Variants in NEK10 observed in about 807,000 individuals in gnomAD.
The protein encoded by NEK10 is serine/threonine-protein kinase Nek10.
A neutral mutation model predicts 159.8 loss-of-function variants in NEK10; 122 were observed. The observed-to-expected ratio is 0.76, with a 90% CI of 0.66 to 0.89. The LOEUF (loss-of-function observed/expected upper bound fraction) is 0.89. NEK10 is among the 40% of genes least tolerant of loss of function. The probability of loss-of-function intolerance (pLI) is 0.00; values close to 1 mark genes in which losing one functional copy is unlikely to be tolerated. For synonymous variants in NEK10, 466 were observed against 457.1 expected, an observed-to-expected ratio of 1.02 and a Z score of -0.25; for missense variants, 1,342 against 1,323.1, an observed-to-expected ratio of 1.01 and a Z score of -0.22.
intron 23 of NEK10, among the ~76,000 whole-genome samples, chr3:27,213,200 C>G (rs903466373): frequency 1.3e-5 from 2 of 152,166 alleles, no homozygotes; most frequent in South Asian, 2.1e-4. Context: ...TTCATTCTTT[C>G]CTTGCTTTGT....
intron 7 of NEK10, among the ~76,000 whole-genome samples, chr3:27,314,055 T>C (rs976596316): frequency 6.6e-6 from 1 of 152,154 alleles, no homozygotes; most frequent in Non-Finnish European, 1.5e-5. Flanking sequence ...TGACCTTTTA[T>C]AGCACTTTCT....
intron 23 of NEK10, among the ~76,000 whole-genome samples, chr3:27,213,672 G>C (rs915651457): frequency 6.6e-6 from 1 of 152,062 alleles, no homozygotes; most frequent in Non-Finnish European, 1.5e-5. Flanking sequence ...TGGAATTCAG[G>C]CACAGCTGAT....
At chr3:27,307,152 A>AT (rs1462519157) in intron 11 of NEK10, among the ~76,000 whole-genome samples, 2 of 152,210 alleles carry the variant, frequency 1.3e-5, no homozygotes, top group African/African-American at 4.8e-5. Flanking sequence ...GTTTGTTCAG[A>AT]TAACCAAGTC....
chr3:27,345,992 G>T, intron 4 of NEK10, 94 bp downstream of exon 4: 3 of 1,197,492 alleles, frequency 2.5e-6, no homozygotes, highest in East Asian at 2.4e-5. Flanking sequence ...TTTTGAAGCG[G>T]GTTTTAAATT....
chr3:27,302,386 A>G (rs57795064), intron 12 of NEK10, among the ~76,000 whole-genome samples: 4,378 of 150,896 alleles, frequency 0.029, 216 homozygotes, highest in African/African-American at 0.1. Flanking sequence ...CCTACATTTT[A>G]CTATTTCCAT....
chr3:27,280,095 GAAAAAAAAAAA>G (rs1203824501), intron 22 of NEK10, among the ~76,000 whole-genome samples: 16 of 69,466 alleles, frequency 2.3e-4, no homozygotes, highest in Middle Eastern at 7.9e-3. Flanking sequence ...CCCTAAAATG[GAAAAAAAAAAA>G]AAAAAAAAAA....
At chr3:27,156,010 C>A (rs563119210) in intron 30 of NEK10, among the ~76,000 whole-genome samples, 139 of 152,132 alleles carry the variant, frequency 9.1e-4, no homozygotes, top group African/African-American at 3.3e-3. Flanking sequence ...CAATCTTCAA[C>A]AAAGCAAACA....
intron 24 of NEK10, among the ~76,000 whole-genome samples, chr3:27,202,011 C>T (rs1227536380): frequency 3.3e-5 from 5 of 151,876 alleles, no homozygotes; most frequent in African/African-American, 1.2e-4. Context: ...AAAATTCGGG[C>T]ATGGTGGCAC....
At chr3:27,217,597 G>T (rs531757075) in intron 23 of NEK10, among the ~76,000 whole-genome samples, 1 of 152,142 alleles carries the variant, frequency 6.6e-6, no homozygotes, top group South Asian at 2.1e-4. Context: ...TCCAACATGA[G>T]ATTTGGGTGG....
At chr3:27,192,729 TA>T (rs199670649) in intron 25 of NEK10, among the ~76,000 whole-genome samples, 2,074 of 151,054 alleles carry the variant, frequency 0.014, 11 homozygotes, top group South Asian at 0.021. Context: ...TTTTTAAAAA[TA>T]AAAAAAAAGC....
intron 32 of NEK10, among the ~76,000 whole-genome samples, chr3:27,126,526 T>C (rs962099328): frequency 6.6e-6 from 1 of 152,134 alleles, no homozygotes; most frequent in Non-Finnish European, 1.5e-5. Context: ...GCAGGTACTA[T>C]ATTTTATAGG....
intron 23 of NEK10, among the ~76,000 whole-genome samples, chr3:27,210,238 C>T (rs7613352): frequency 0.23 from 35,391 of 151,998 alleles, 4,498 homozygotes; most frequent in Middle Eastern, 0.38. Context: ...GGTGAGGGCC[C>T]TCTTGCTGGT....
chr3:27,189,985 A>G (rs548176193), intron 26 of NEK10, among the ~76,000 whole-genome samples: 1 of 152,318 alleles, frequency 6.6e-6, no homozygotes, highest in East Asian at 1.9e-4. Flanking sequence ...TTTAATGTAG[A>G]GACTACTTGG....
chr3:27,240,522 C>T, intron 23 of NEK10, among the ~76,000 whole-genome samples: 1 of 152,278 alleles, frequency 6.6e-6, no homozygotes, highest in South Asian at 2.1e-4. Context: ...TGCTCCTTAA[C>T]AGACTAAGAA....
Position 27,284,917 on chromosome 3 carries a change from G to T in NEK10, c.1834C>A (p.Leu612Ile), listed in dbSNP as rs1245736192. Reference sequence around the variant, plus strand: ...TTCAAAGAACTGAAATGCTCTCCAAGCGGGGCTCCTTCTATCAGCTCCATA... The same window carrying T: ...TTCAAAGAACTGAAATGCTCTCCAATCGGGGCTCCTTCTATCAGCTCCATA... ...IVMELIEGAP[L>I]GEHFSSLKEK... Residue 612 changes from leucine to isoleucine, a missense_variant, in exon 21 of 36, where the codon CTT becomes ATT. Physicochemically the swap from Leu to Ile is conservative, Grantham distance 5. Transcript: ENST00000691995. 18 of 1,603,242 alleles carry T rather than the reference G, an allele frequency of 1.1e-5. No individual in the cohort carries two copies. The highest frequency in any genetic ancestry group is 1.5e-5 in the Non-Finnish European group (17 of 1,170,710).
At chr3:27,297,060 A>G (rs1270214367) in intron 14 of NEK10, 119 bp downstream of exon 14, 4 of 576,976 alleles carry the variant, frequency 6.9e-6, no homozygotes, top group Non-Finnish European at 1.3e-5. Flanking sequence ...ATGTTAAAAT[A>G]GTTTTAAAAT....
intron 22 of NEK10, among the ~76,000 whole-genome samples, chr3:27,269,537 T>C (rs2041171322): frequency 6.6e-6 from 1 of 152,210 alleles, no homozygotes; most frequent in African/African-American, 2.4e-5. Context: ...GAATTATGTT[T>C]TAATTGAGGT....
rs147891690 is a variant in NEK10 at position 27,106,989 on chromosome 3, A to G, written c.*4283T>C. On this transcript the variant is annotated 3_prime_UTR_variant, in exon 36 of 36. Coordinates refer to ENST00000691995, the MANE Select transcript of NEK10 (RefSeq NM_001394966.1). The stretch of plus-strand genomic sequence containing the variant: ...CAGTACAAAAGGAAAGGAGAGAAAA[A>G]GGCAGTTTCTCATGTTTTGAGGAAT... Among the ~76,000 whole-genome samples the G allele has an allele frequency of 3.0e-4, 45 of 152,310 alleles. 2 individuals carry two copies. In the East Asian group the frequency reaches 7.7e-3, roughly 26 times the overall value.
At chr3:27,240,661 T>TC (rs1954447908) in intron 23 of NEK10, among the ~76,000 whole-genome samples, 1 of 151,394 alleles carries the variant, frequency 6.6e-6, no homozygotes, top group African/African-American at 2.4e-5. Context: ...CATCTTTTTT[T>TC]TTTTTTTTGA....
Sources: allele counts gnomAD v4.1 joint callset (sites outside exome capture counted in the v4.1 genomes callset), GRCh38; gene constraint gnomAD v4.1.1; transcripts MANE v1.5; gene names NCBI Gene and HGNC (gene_info 2026-07-23, HGNC 2026-07-21).